The following SFXN1 variants were observed in gnomAD, a reference collection of about 807,000 sequenced individuals.
The protein encoded by SFXN1 is sideroflexin 1, also known as sideroflexin-1.
In SFXN1, 32 loss-of-function variants were observed where a neutral mutation model predicts 39.5. The ratio of observed to expected loss-of-function variants is 0.81; its 90% CI spans 0.61 to 1.09. SFXN1 has a LOEUF of 1.09. SFXN1 is among the 50% of genes least tolerant of loss of function. The pLI is 0.00. For missense variants in SFXN1, 402 were observed against 407.1 expected, an observed-to-expected ratio of 0.99 and a Z score of 0.11; for synonymous variants, 136 against 146.5, an observed-to-expected ratio of 0.93 and a Z score of 0.52.
In SFXN1 at chr5:175,503,661, C is replaced by T. The variant is rs193084150; in HGVS notation, c.165-5371C>T. On this transcript the variant is annotated intron_variant, in intron 2 of 10. Transcript: ENST00000321442. ...TCCCACATCAGTAGTGAGCAATGCA[C>T]GAAATAATGGAACACTAGAGCTGAA... Among the ~76,000 whole-genome samples, 5 of 152,112 alleles carry T rather than the reference C, an allele frequency of 3.3e-5. No homozygotes were observed. The East Asian group carries it at 5.8e-4, about 18-fold the overall frequency.
chr5:175,521,832 G>C (rs115077320), intron 8 of SFXN1, 87 bp from the exon 9 acceptor site: 1 of 1,043,852 alleles, frequency 9.6e-7, no homozygotes, highest in Non-Finnish European at 1.4e-6. Context: ...TTGAAATGTG[G>C]TGAGAGGTTC....
chr5:175,508,520 C>A (rs1760395460), intron 2 of SFXN1, among the ~76,000 whole-genome samples: 1 of 152,056 alleles, frequency 6.6e-6, no homozygotes, highest in Non-Finnish European at 1.5e-5. Context: ...CAGGCATAAG[C>A]CACCGCGCCC....
At chr5:175,488,447 C>G (rs1315976892) in intron 1 of SFXN1, among the ~76,000 whole-genome samples, 1 of 152,132 alleles carries the variant, frequency 6.6e-6, no homozygotes, top group Non-Finnish European at 1.5e-5. Context: ...GGATTACATG[C>G]ATGCACCACC....
rs1261484558 is a variant in SFXN1, at chr5:175,522,541, G to A, written c.872+119G>A. On this transcript the variant is annotated intron_variant, in intron 10 of 10. Coordinates refer to ENST00000321442, the MANE Select transcript of SFXN1 (RefSeq NM_022754.7). ...AAGTTGAGACTCAAAAGATACTGAA[G>A]CCAGGGTCTCTTAAAAGGAAGGGAT... is the stretch of plus-strand genomic sequence containing the variant. 22 of 982,978 alleles carry A rather than the reference G, an allele frequency of 2.2e-5. No homozygotes were observed. In the East Asian group the frequency reaches 3.3e-4, roughly 15 times the overall value. 60.9% of individuals were successfully genotyped at this position (982,978 alleles called of 1,614,324 possible). A position where few individuals can be genotyped will look rare whatever the true frequency, so the allele number is the denominator to read the frequency against.
Position 175,513,366 on chromosome 5 carries a change from G to C in SFXN1, c.597-97G>C, listed in dbSNP as rs187201182. The C allele has an allele frequency of 5.5e-4, 519 of 943,240 alleles. 9 individuals carry two copies. In the East Asian group the frequency reaches 0.018, roughly 33 times the overall value. The allele number at this position is 943,240 out of a possible 1,614,324, so 58.4% of individuals were successfully genotyped here. On this transcript the variant is annotated intron_variant, in intron 6 of 10. Transcript: ENST00000321442. Reference sequence around the variant, plus strand: ...AAAAATGACACTTGAGTGGGTATTTGAATTAAGTAGAGGGTTGATCTTTCC... The same window carrying C: ...AAAAATGACACTTGAGTGGGTATTTCAATTAAGTAGAGGGTTGATCTTTCC...
At chr5:175,478,979 T>C (rs941613767) in intron 1 of SFXN1, among the ~76,000 whole-genome samples, 1 of 151,478 alleles carries the variant, frequency 6.6e-6, no homozygotes, top group Non-Finnish European at 1.5e-5. Flanking sequence ...CGTGGCGAAC[T>C]CGCTCCGGGG....
intron 2 of SFXN1, among the ~76,000 whole-genome samples, chr5:175,507,385 G>C (rs1760346461): frequency 6.6e-6 from 1 of 152,140 alleles, no homozygotes; most frequent in Non-Finnish European, 1.5e-5. Flanking sequence ...TTATATAGAA[G>C]AATATCTGAA....
chr5:175,505,139 C>T (rs1760238251), intron 2 of SFXN1, among the ~76,000 whole-genome samples: 1 of 152,104 alleles, frequency 6.6e-6, no homozygotes, highest in Admixed American at 6.6e-5. Context: ...GAGAAATGTG[C>T]AGTAGGCCTG....
chr5:175,481,166 T>C (rs1475783508), intron 1 of SFXN1, among the ~76,000 whole-genome samples: 5 of 152,226 alleles, frequency 3.3e-5, no homozygotes, highest in African/African-American at 9.6e-5. Context: ...CAGGCTGATA[T>C]CACCATCTCA....
intron 8 of SFXN1, among the ~76,000 whole-genome samples, chr5:175,518,033 C>G (rs146609759): frequency 6.6e-6 from 1 of 152,100 alleles, no homozygotes; most frequent in Non-Finnish European, 1.5e-5. Context: ...CATCCATCCC[C>G]CTACGCCTTA....
At chr5:175,521,126 GCCTTATTTATATAA>G (rs1192647955) in intron 8 of SFXN1, among the ~76,000 whole-genome samples, 1 of 151,918 alleles carries the variant, frequency 6.6e-6, no homozygotes, top group Non-Finnish European at 1.5e-5. Context: ...GATTTCTGTG[GCCTTATTTATATAA>G]CCATATATCT....
At chr5:175,518,106 T>G (rs1185300296) in intron 8 of SFXN1, among the ~76,000 whole-genome samples, 2 of 152,036 alleles carry the variant, frequency 1.3e-5, no homozygotes, top group African/African-American at 2.4e-5. Flanking sequence ...TCACGGAAAT[T>G]TTTGCAGTAA....
At chr5:175,518,462 C>T (rs157472) in intron 8 of SFXN1, among the ~76,000 whole-genome samples, 70,424 of 151,900 alleles carry the variant, frequency 0.46, 18,179 homozygotes, top group African/African-American at 0.71. Flanking sequence ...AAAGAGGATA[C>T]GACCCCTGAT....
chr5:175,513,438 T>TC, intron 6 of SFXN1, 25 bp from the exon 7 acceptor site: 1 of 1,608,090 alleles, frequency 6.2e-7, no homozygotes, highest in South Asian at 1.1e-5. Flanking sequence ...TTGGTGGAGC[T>TC]CTCTGTATGT....
intron 2 of SFXN1, among the ~76,000 whole-genome samples, chr5:175,495,745 TA>T (rs1759834476): frequency 6.6e-6 from 1 of 150,480 alleles, no homozygotes; most frequent in Non-Finnish European, 1.5e-5. Context: ...AAAAAAGGGT[TA>T]AAATGGTAAA....
intron 6 of SFXN1, among the ~76,000 whole-genome samples, 165 bp from the exon 7 acceptor site, chr5:175,513,294 TGTAA>T (rs1382193521): frequency 1.8e-5 from 1 of 55,800 alleles, no homozygotes; most frequent in African/African-American, 8.9e-5. Flanking sequence ...AGAGTGAGAC[TGTAA>T]AAAAAAAAAA....
chr5:175,522,352 C>CT (rs768281531), intron 9 of SFXN1, 23 bp from the exon 10 acceptor site: 23 of 1,571,720 alleles, frequency 1.5e-5, no homozygotes, highest in South Asian at 4.8e-5. Flanking sequence ...AATGGTCTGA[C>CT]TTTTTTTTGT....
chr5:175,498,207 G>A (rs1759938284), intron 2 of SFXN1, among the ~76,000 whole-genome samples: 1 of 152,118 alleles, frequency 6.6e-6, no homozygotes, highest in African/African-American at 2.4e-5. Context: ...AATAAAAGCT[G>A]ACAATGAATG....
In SFXN1 at chr5:175,521,709, T is replaced by C. The variant is rs142391456; in HGVS notation, c.775-210T>C. ...GACTGGGAGGAAAAATAGAAGCCAC[T>C]TGATCTTTGCGTGTGTGCTGATTTA... On this transcript the variant is annotated intron_variant, in intron 8 of 10. Coordinates refer to ENST00000321442, the MANE Select transcript of SFXN1 (RefSeq NM_022754.7). 6.3e-4 allele frequency among the ~76,000 whole-genome samples: 96 copies of C among 152,336 alleles called. No homozygotes were observed. The East Asian group carries it at 0.015, about 24-fold the overall frequency.
Sources: allele counts gnomAD v4.1 joint callset (sites outside exome capture counted in the v4.1 genomes callset), GRCh38; gene constraint gnomAD v4.1.1; transcripts MANE v1.5; gene names NCBI Gene and HGNC (gene_info 2026-07-23, HGNC 2026-07-21).